Variants in PPARGC1A observed in about 807,000 individuals in gnomAD.
PPARGC1A encodes peroxisome proliferator-activated receptor gamma coactivator 1-alpha.
Under a neutral mutation model 88.7 loss-of-function variants are expected in PPARGC1A, and 25 were observed. The ratio of observed to expected loss-of-function variants is 0.28; its 90% CI spans 0.21 to 0.39. The LOEUF (loss-of-function observed/expected upper bound fraction) is 0.39, where lower values mean the gene tolerates loss of function less well. PPARGC1A is among the 10% of genes least tolerant of loss of function. The pLI, the probability that PPARGC1A is intolerant of heterozygous loss-of-function variation, is 1.00. For synonymous variants in PPARGC1A, 363 were observed against 355.6 expected (o/e 1.02, Z -0.24); for missense variants, 880 against 968.7 (o/e 0.91, Z 1.22).
the PPARGC1A span, among the ~76,000 whole-genome samples, chr4:23,939,220 A>G: frequency 2.6e-5 from 4 of 151,914 alleles, no homozygotes; most frequent in African/African-American, 7.3e-5. Context: ...AGAACTTTGC[A>G]TATCAAACCC....
the PPARGC1A span, among the ~76,000 whole-genome samples, chr4:24,163,717 C>A: frequency 2.0e-5 from 3 of 152,272 alleles, no homozygotes; most frequent in South Asian, 6.2e-4. Flanking sequence ...CAAACATTAG[C>A]CAATCATGCT....
chr4:24,266,835 C>T, the PPARGC1A span, among the ~76,000 whole-genome samples: 1 of 152,274 alleles, frequency 6.6e-6, no homozygotes, highest in South Asian at 2.1e-4. Flanking sequence ...CTTTCCACAA[C>T]ACTAAATTGA....
the PPARGC1A span, among the ~76,000 whole-genome samples, chr4:24,119,259 A>G: frequency 1.2e-4 from 19 of 152,274 alleles, no homozygotes; most frequent in East Asian, 3.7e-3. Context: ...CTCTCGATCT[A>G]AGCACTAAGA....
the PPARGC1A span, among the ~76,000 whole-genome samples, chr4:24,348,237 AT>A: frequency 9.9e-5 from 15 of 152,176 alleles, no homozygotes; most frequent in Non-Finnish European, 1.6e-4. Context: ...AGCTCTTAAG[AT>A]TCTTTCCTCC....
chr4:24,079,275 G>T, the PPARGC1A span, among the ~76,000 whole-genome samples: 3 of 151,998 alleles, frequency 2.0e-5, no homozygotes, highest in South Asian at 6.2e-4. Flanking sequence ...GTAGTTAAAT[G>T]GAATTTATCC....
the PPARGC1A span, among the ~76,000 whole-genome samples, chr4:23,913,721 ATAGAGTTC>A: frequency 6.6e-6 from 1 of 152,216 alleles, no homozygotes; most frequent in African/African-American, 2.4e-5. Context: ...CAAATGGATC[ATAGAGTTC>A]TATAGTTAAG....
At chr4:23,950,392 G>T in the PPARGC1A span, among the ~76,000 whole-genome samples, 2 of 152,076 alleles carry the variant, frequency 1.3e-5, no homozygotes, top group Non-Finnish European at 2.9e-5. Flanking sequence ...CAATACACAA[G>T]ATGGCCTTTA....
chr4:24,105,158 C>G, the PPARGC1A span, among the ~76,000 whole-genome samples: 33 of 152,190 alleles, frequency 2.2e-4, no homozygotes, highest in Non-Finnish European at 3.8e-4. Context: ...TTGATTAACA[C>G]TAGAGCACAG....
the PPARGC1A span, among the ~76,000 whole-genome samples, chr4:24,329,013 A>T: frequency 6.6e-6 from 1 of 152,256 alleles, no homozygotes; most frequent in African/African-American, 2.4e-5. Flanking sequence ...TAGCAGGCAC[A>T]GCTGACCCTG....
the PPARGC1A span, among the ~76,000 whole-genome samples, chr4:24,245,925 G>GCGCGCA: frequency 2.7e-5 from 4 of 148,478 alleles, no homozygotes; most frequent in African/African-American, 9.9e-5. Flanking sequence ...AAAGCCATGT[G>GCGCGCA]CACACACACA....
the PPARGC1A span, among the ~76,000 whole-genome samples, chr4:23,965,561 G>A: frequency 1.3e-5 from 2 of 152,202 alleles, no homozygotes; most frequent in South Asian, 2.1e-4. Flanking sequence ...AATAGCAAGA[G>A]CTAGTGAAAA....
At chr4:23,949,504 T>C in the PPARGC1A span, among the ~76,000 whole-genome samples, 1 of 152,140 alleles carries the variant, frequency 6.6e-6, no homozygotes, top group African/African-American at 2.4e-5. Flanking sequence ...AGAAGGAACA[T>C]TGACCAGGAC....
the PPARGC1A span, among the ~76,000 whole-genome samples, chr4:24,314,009 A>T: frequency 6.6e-6 from 1 of 152,258 alleles, no homozygotes; most frequent in Admixed American, 6.5e-5. Flanking sequence ...GTTTGAATTA[A>T]ATGCAATTGA....
chr4:24,270,333 C>CTGTGTG, the PPARGC1A span, among the ~76,000 whole-genome samples: 4 of 149,054 alleles, frequency 2.7e-5, no homozygotes, highest in African/African-American at 9.9e-5. Flanking sequence ...CTCTCTCTCT[C>CTGTGTG]TGTGTGTGTG....
the PPARGC1A span, among the ~76,000 whole-genome samples, chr4:23,970,284 G>A: frequency 6.6e-6 from 1 of 152,192 alleles, no homozygotes; most frequent in African/African-American, 2.4e-5. Context: ...AACTTGGCCT[G>A]CTGCTGCAAA....
the PPARGC1A span, among the ~76,000 whole-genome samples, chr4:24,277,258 T>G: frequency 3.2e-4 from 48 of 152,194 alleles, 1 homozygote; most frequent in African/African-American, 1.2e-3. Flanking sequence ...TTTGTATTTT[T>G]TATAGAGACG....
intron 2 of PPARGC1A, among the ~76,000 whole-genome samples, chr4:23,839,301 T>C (rs1282539277): frequency 1.3e-5 from 2 of 152,130 alleles, no homozygotes; most frequent in African/African-American, 2.4e-5. Context: ...GGTTAATATA[T>C]GCAAAATGAG....
At position 23,831,640 on chromosome 4, in the gene PPARGC1A, C is replaced by T. The variant is rs1449112921; in HGVS notation, c.346G>A (p.Asp116Asn). 5 of 1,614,026 alleles carry T rather than the reference C, an allele frequency of 3.1e-6. No homozygotes were observed. In the Admixed American group the frequency reaches 8.3e-5, roughly 27 times the overall value. The change falls in exon 3 of 13, where the codon GAC becomes AAC. Residue 116 changes from aspartate (D) to asparagine (N), a missense_variant. Asp to Asn is a conservative substitution (Grantham distance 23, BLOSUM62 1). Coordinates refer to ENST00000264867, the MANE Select transcript of PPARGC1A (RefSeq NM_013261.5). ...LPSFDALTDGDVTTDNEASPS... is the reference protein window; with the variant it reads ...LPSFDALTDGNVTTDNEASPS... ...CTAGCCTCATTGTCAGTGGTCACGT[C>T]TCCATCTGTCAGCGCATCAAATGAG...
chr4:24,193,000 A>G, the PPARGC1A span, among the ~76,000 whole-genome samples: 1 of 152,244 alleles, frequency 6.6e-6, no homozygotes, highest in Non-Finnish European at 1.5e-5. Flanking sequence ...CAGCACCAGA[A>G]CATTAGAAAA....
Sources: gnomAD v4.1 joint callset for allele counts (sites outside exome capture counted in the v4.1 genomes callset) on GRCh38, gnomAD v4.1.1 for gene constraint, MANE v1.5 for transcripts, NCBI Gene and HGNC (gene_info 2026-07-23, HGNC 2026-07-21) for gene names.